CACNA1E: variants seen among roughly 807,000 people sequenced by gnomAD.
The protein encoded by CACNA1E is calcium voltage-gated channel subunit alpha1 E.
CACNA1E carries 40 observed loss-of-function variants against 259.2 expected under a neutral mutation model. The observed-to-expected ratio is 0.15, with a 90% CI of 0.12 to 0.20. The LOEUF (loss-of-function observed/expected upper bound fraction) is 0.20. CACNA1E is among the 10% of genes least tolerant of loss of function. The probability of loss-of-function intolerance (pLI) is 1.00; values close to 1 mark genes in which losing one functional copy is unlikely to be tolerated. For missense variants in CACNA1E, 1,874 were observed against 3,040.1 expected, an observed-to-expected ratio of 0.62 and a Z score of 9.02; for synonymous variants, 1,104 against 1,138.5, an observed-to-expected ratio of 0.97 and a Z score of 0.61.
At chr1:181,585,678 G>A (rs1651989641) in intron 6 of CACNA1E, among the ~76,000 whole-genome samples, 1 of 152,226 alleles carries the variant, frequency 6.6e-6, no homozygotes, top group Non-Finnish European at 1.5e-5. Flanking sequence ...GTGGGTGGGT[G>A]AGGGAGTGGG....
chr1:181,577,669 C>G, intron 3 of CACNA1E, 97 bp from the exon 4 acceptor site: 1 of 740,514 alleles, frequency 1.4e-6, no homozygotes, highest in East Asian at 2.8e-5. Flanking sequence ...GCGCTGTGTG[C>G]TTTCCAGGCT....
intron 6 of CACNA1E, among the ~76,000 whole-genome samples, chr1:181,629,697 A>G (rs1656526673): frequency 1.3e-5 from 2 of 152,178 alleles, no homozygotes; most frequent in Non-Finnish European, 1.5e-5. Flanking sequence ...AGAAAAAGAC[A>G]ACATATAGAA....
intron 6 of CACNA1E, among the ~76,000 whole-genome samples, chr1:181,596,428 G>A (rs1261426588): frequency 6.6e-6 from 1 of 152,242 alleles, no homozygotes; most frequent in Middle Eastern, 3.4e-3. Flanking sequence ...CACCTGCGTC[G>A]GACTTGTGCA....
At chr1:181,749,408 T>A (rs1260665661) in intron 25 of CACNA1E, among the ~76,000 whole-genome samples, 1 of 152,170 alleles carries the variant, frequency 6.6e-6, no homozygotes, top group Non-Finnish European at 1.5e-5. Context: ...ATTTCAGGGA[T>A]CTCTTCCAGC....
At chr1:181,593,747 C>G (rs1443443962) in intron 6 of CACNA1E, among the ~76,000 whole-genome samples, 1 of 152,152 alleles carries the variant, frequency 6.6e-6, no homozygotes. Flanking sequence ...CCATATTGGC[C>G]AGGCTGGTTT....
chr1:181,549,077 G>A (rs1377677637), intron 3 of CACNA1E, among the ~76,000 whole-genome samples: 1 of 152,228 alleles, frequency 6.6e-6, no homozygotes, highest in African/African-American at 2.4e-5. Flanking sequence ...GAGCTGGAAG[G>A]TCTGACTGCA....
chr1:181,770,859 C>G lies in CACNA1E; in HGVS notation c.4882-434C>G, dbSNP rs182784291. Among the ~76,000 whole-genome samples the G allele has an allele frequency of 5.9e-3, 901 of 152,282 alleles. 31 individuals carry two copies. Among genetic ancestry groups the G allele is most frequent in the Admixed American group, 0.055 (842 of 15,312 alleles). On this transcript the variant is annotated intron_variant, in intron 35 of 47. Transcript: ENST00000367573. The stretch of plus-strand genomic sequence containing the variant: ...CCAAGCCATAAATGATGTCTTCTTG[C>G]AAATCTGAATGCTCCCATCATGACT...
chr1:181,701,103 G>A (rs891079433), intron 7 of CACNA1E, among the ~76,000 whole-genome samples: 4 of 152,152 alleles, frequency 2.6e-5, no homozygotes, highest in African/African-American at 9.7e-5. Context: ...AAATTATCTG[G>A]GGATGTTTAA....
chr1:181,405,812 A>G (rs886495985), intron 1 of CACNA1E, among the ~76,000 whole-genome samples: 1 of 152,194 alleles, frequency 6.6e-6, no homozygotes, highest in Non-Finnish European at 1.5e-5. Context: ...TGTAAGCCTC[A>G]TGCAAAATCT....
intron 7 of CACNA1E, among the ~76,000 whole-genome samples, chr1:181,661,997 A>G (rs1647733464): frequency 6.6e-6 from 1 of 152,194 alleles, no homozygotes. Context: ...CATGACGGCC[A>G]TGGCACATGT....
intron 16 of CACNA1E, 38 bp from the exon 17 acceptor site, chr1:181,724,432 G>A (rs761383425): frequency 6.4e-7 from 1 of 1,574,250 alleles, no homozygotes; most frequent in South Asian, 1.1e-5. Flanking sequence ...GAAGACTTTT[G>A]CTTTTCTTAT....
chr1:181,491,963 G>C (rs752212467), intron 1 of CACNA1E, among the ~76,000 whole-genome samples: 9 of 152,192 alleles, frequency 5.9e-5, no homozygotes, highest in Admixed American at 3.9e-4. Context: ...GGGGACAGGA[G>C]GTTGCCAGGA....
At chr1:181,447,042 C>G (rs1476501564) in intron 2 of CACNA1E, among the ~76,000 whole-genome samples, 1 of 152,160 alleles carries the variant, frequency 6.6e-6, no homozygotes, top group African/African-American at 2.4e-5. Context: ...TTCCAAGGTT[C>G]TTACATTCTT....
chr1:181,754,946 A>G (rs979412204), intron 27 of CACNA1E, among the ~76,000 whole-genome samples: 6 of 152,262 alleles, frequency 3.9e-5, no homozygotes, highest in Non-Finnish European at 8.8e-5. Flanking sequence ...TACCAGGATC[A>G]CACAGAGGAC....
intron 25 of CACNA1E, among the ~76,000 whole-genome samples, chr1:181,749,532 A>G (rs1251871847): frequency 6.6e-6 from 1 of 152,210 alleles, no homozygotes; most frequent in Admixed American, 6.5e-5. Flanking sequence ...TTCATGTCCC[A>G]GCTCTGCCAG....
At chr1:181,482,021 G>A (rs1663297273), upstream of CACNA1E, among the ~76,000 whole-genome samples, 1 of 152,142 alleles carries the variant, frequency 6.6e-6, no homozygotes, top group Admixed American at 6.5e-5. Context: ...GCGGAACCGG[G>A]AGGCCGCCCC....
rs1476868646 is a variant in CACNA1E at position 181,758,422 on chromosome 1, C to G, written c.4494+311C>G. ...CCATCATCACGGGGTCTAAAGGAGC[C>G]TTGGAGTATTCAGAGAGGCTCATCC... On this transcript the variant is annotated intron_variant, in intron 31 of 47. Coordinates refer to ENST00000367573, the MANE Select transcript of CACNA1E (RefSeq NM_001205293.3). This position sits in a 1 kb window ranked among gnomAD's most constrained non-coding sequence, Gnocchi z 4.2. Among the ~76,000 whole-genome samples the G allele has an allele frequency of 6.6e-6, 1 of 152,112 alleles. No individual in the cohort carries two copies. Among genetic ancestry groups the G allele is most frequent in the Admixed American group, 6.5e-5 (1 of 15,284 alleles).
intron 3 of CACNA1E, among the ~76,000 whole-genome samples, chr1:181,528,857 A>C (rs556679809): frequency 6.6e-6 from 1 of 152,354 alleles, no homozygotes; most frequent in East Asian, 1.9e-4. Context: ...TTTAAAAGGG[A>C]AACAGAGCAT....
intron 1 of CACNA1E, among the ~76,000 whole-genome samples, chr1:181,331,972 C>T (rs1651306450): frequency 6.6e-6 from 1 of 152,012 alleles, no homozygotes; most frequent in African/African-American, 2.4e-5. Context: ...CATAAATGCC[C>T]ATCAATTATA....
Sources: gnomAD v4.1 joint callset for allele counts (sites outside exome capture counted in the v4.1 genomes callset) on GRCh38, gnomAD v4.1.1 for gene constraint, Gnocchi (gnomAD v3.1) non-coding constraint, MANE v1.5 for transcripts, NCBI Gene and HGNC (gene_info 2026-07-23, HGNC 2026-07-21) for gene names.